The following LRRC4C variants were observed in gnomAD, a reference collection of about 807,000 sequenced individuals.
The protein encoded by LRRC4C is leucine rich repeat containing 4C, also known as leucine-rich repeat-containing protein 4C.
LRRC4C carries 5 observed loss-of-function variants against 33.6 expected under a neutral mutation model. The ratio of observed to expected loss-of-function variants is 0.15; its 90% CI spans 0.08 to 0.31. The LOEUF (loss-of-function observed/expected upper bound fraction) is 0.31. Among genes scored for constraint, LRRC4C ranks in the 10% least tolerant of loss-of-function variants. The pLI is 1.00. For synonymous variants in LRRC4C, 329 were observed against 302.0 expected (o/e 1.09, Z -0.93); for missense variants, 560 against 796.7 (o/e 0.70, Z 3.58).
chr11:40,364,129 GA>G (rs1193221557), intron 3 of LRRC4C, among the ~76,000 whole-genome samples: 1 of 151,608 alleles, frequency 6.6e-6, no homozygotes, highest in South Asian at 2.1e-4. Flanking sequence ...ATAAACAACA[GA>G]AAAAAATACA....
At chr11:40,531,265 A>C (rs767465088) in intron 3 of LRRC4C, among the ~76,000 whole-genome samples, 3 of 152,098 alleles carry the variant, frequency 2.0e-5, no homozygotes, top group African/African-American at 4.8e-5. Flanking sequence ...TTTGTAGCCA[A>C]AGTAATGCAG....
intron 1 of LRRC4C, among the ~76,000 whole-genome samples, chr11:41,414,365 G>A (rs1372279208): frequency 1.3e-5 from 2 of 152,124 alleles, no homozygotes; most frequent in Admixed American, 6.6e-5. Context: ...TATGCCACAC[G>A]TGAAAGAGAG....
At chr11:40,691,692 A>G (rs541226956) in intron 2 of LRRC4C, among the ~76,000 whole-genome samples, 17 of 152,124 alleles carry the variant, frequency 1.1e-4, no homozygotes, top group Non-Finnish European at 2.1e-4. Flanking sequence ...ACAAATCTGA[A>G]GAAGAATAAA....
intron 1 of LRRC4C, among the ~76,000 whole-genome samples, chr11:41,009,285 G>A (rs1040119969): frequency 5.9e-5 from 9 of 151,760 alleles, no homozygotes; most frequent in African/African-American, 2.2e-4. Context: ...CCAAAACAAT[G>A]TGTGTAAATT....
chr11:40,372,531 T>A (rs1225929049), intron 3 of LRRC4C, among the ~76,000 whole-genome samples: 2 of 152,216 alleles, frequency 1.3e-5, no homozygotes, highest in East Asian at 3.8e-4. Context: ...GCAATCTTAA[T>A]ACATCAGCGA....
chr11:41,113,666 C>T (rs1344903302), intron 1 of LRRC4C, among the ~76,000 whole-genome samples: 2 of 152,074 alleles, frequency 1.3e-5, no homozygotes, highest in African/African-American at 4.8e-5. Flanking sequence ...AGCCTCTTCC[C>T]CAAGCCTTTG....
At chr11:40,507,590 C>T (rs558554645) in intron 3 of LRRC4C, among the ~76,000 whole-genome samples, 2 of 152,184 alleles carry the variant, frequency 1.3e-5, no homozygotes, top group Admixed American at 1.3e-4. Context: ...GTGTGAATCA[C>T]TTTCAACTGA....
At chr11:41,313,563 C>T (rs2137201480) in intron 1 of LRRC4C, among the ~76,000 whole-genome samples, 1 of 152,234 alleles carries the variant, frequency 6.6e-6, no homozygotes, top group Admixed American at 6.5e-5. Context: ...GTCTGCCACT[C>T]TTGAGACAGT....
chr11:41,082,395 C>T (rs1939642029), intron 1 of LRRC4C, among the ~76,000 whole-genome samples: 1 of 149,186 alleles, frequency 6.7e-6, no homozygotes, highest in South Asian at 2.1e-4. Context: ...ATAGCAGTGA[C>T]TGGCAATCTA....
chr11:41,322,589 A>G (rs1437145298), intron 1 of LRRC4C, among the ~76,000 whole-genome samples: 3 of 152,170 alleles, frequency 2.0e-5, no homozygotes, highest in Non-Finnish European at 4.4e-5. Flanking sequence ...GTTGTGTCCA[A>G]TGCAACCCGA....
intron 3 of LRRC4C, among the ~76,000 whole-genome samples, chr11:40,382,819 A>T (rs1015819287): frequency 1.3e-5 from 2 of 148,682 alleles, no homozygotes; most frequent in Non-Finnish European, 3.0e-5. Flanking sequence ...TCAGCCTCCC[A>T]AGTAGCTGGG....
intron 1 of LRRC4C, among the ~76,000 whole-genome samples, chr11:41,177,098 C>T (rs1379322144): frequency 1.3e-5 from 2 of 152,118 alleles, no homozygotes; most frequent in African/African-American, 2.4e-5. Flanking sequence ...GAGTGAGCTA[C>T]CATATCTTGA....
At chr11:41,036,495 G>A (rs969394562) in intron 1 of LRRC4C, among the ~76,000 whole-genome samples, 3 of 152,072 alleles carry the variant, frequency 2.0e-5, no homozygotes, top group Admixed American at 2.0e-4. Flanking sequence ...TTATGCTGAT[G>A]CAAGAAGATT....
At chr11:41,335,288 A>C (rs1333351630) in intron 1 of LRRC4C, among the ~76,000 whole-genome samples, 3 of 152,228 alleles carry the variant, frequency 2.0e-5, no homozygotes, top group Non-Finnish European at 4.4e-5. Flanking sequence ...CCAGTAAACT[A>C]AAAATATTAG....
intron 2 of LRRC4C, among the ~76,000 whole-genome samples, chr11:40,686,114 C>A (rs960456495): frequency 3.9e-5 from 6 of 151,976 alleles, no homozygotes; most frequent in African/African-American, 1.4e-4. Context: ...GTGACTAAGA[C>A]TTTGGGGTTT....
At chr11:41,211,059 C>T (rs1046873340) in intron 1 of LRRC4C, among the ~76,000 whole-genome samples, 2 of 152,170 alleles carry the variant, frequency 1.3e-5, no homozygotes, top group East Asian at 3.9e-4. Context: ...CTGTCACACA[C>T]CTCCTGCTGT....
chr11:41,256,833 G>A (rs919190563), intron 1 of LRRC4C, among the ~76,000 whole-genome samples: 14 of 151,988 alleles, frequency 9.2e-5, no homozygotes, highest in African/African-American at 1.4e-4. Context: ...AGATATTGAA[G>A]TTCAAGAGTG....
At chr11:40,727,233 A>T (rs1040182051) in intron 2 of LRRC4C, among the ~76,000 whole-genome samples, 1 of 152,194 alleles carries the variant, frequency 6.6e-6, no homozygotes, top group African/African-American at 2.4e-5. Flanking sequence ...AGACCAATGG[A>T]ACAGAATACA....
intron 1 of LRRC4C, among the ~76,000 whole-genome samples, chr11:41,408,725 C>T (rs1389012862): frequency 6.9e-5 from 9 of 129,782 alleles, no homozygotes; most frequent in African/African-American, 2.5e-4. Flanking sequence ...CAAAACAATT[C>T]TATGAGAAAG....
Sources: gnomAD v4.1 joint callset for allele counts (sites outside exome capture counted in the v4.1 genomes callset) on GRCh38, gnomAD v4.1.1 for gene constraint, MANE v1.5 for transcripts, NCBI Gene and HGNC (gene_info 2026-07-23, HGNC 2026-07-21) for gene names.